Variants in CREB5 observed in about 807,000 individuals in gnomAD.
CREB5 encodes the protein cAMP responsive element binding protein 5, also known as cyclic AMP-responsive element-binding protein 5.
Under a neutral mutation model 57.1 loss-of-function variants are expected in CREB5, and 19 were observed. The observed-to-expected ratio is 0.33, with a 90% CI of 0.23 to 0.49. The LOEUF (loss-of-function observed/expected upper bound fraction) is 0.49. CREB5 is among the 20% of genes least tolerant of loss of function. The probability of loss-of-function intolerance (pLI) is 0.99; values close to 1 mark genes in which losing one functional copy is unlikely to be tolerated. For missense variants in CREB5, 579 were observed against 671.6 expected (o/e 0.86, Z 1.52); for synonymous variants, 238 against 238.3 (o/e 1.00, Z 0.01).
intron 5 of CREB5, among the ~76,000 whole-genome samples, chr7:28,694,988 G>C (rs969059058): frequency 6.6e-6 from 1 of 152,214 alleles, no homozygotes; most frequent in African/African-American, 2.4e-5. Context: ...AATTCGGGAG[G>C]CCAAGATGGG....
intron 1 of CREB5, among the ~76,000 whole-genome samples, chr7:28,393,777 G>A (rs1174802201): frequency 6.6e-6 from 1 of 152,096 alleles, no homozygotes; most frequent in East Asian, 1.9e-4. Context: ...ATGGTGTAGT[G>A]TTAAAGTGGA....
At chr7:28,570,578 A>T (rs746154339) in intron 5 of CREB5, 41 bp downstream of exon 5, 13 of 1,594,252 alleles carry the variant, frequency 8.2e-6, no homozygotes, top group Non-Finnish European at 1.1e-5. Context: ...CCTGGCTGGA[A>T]CTCAGGAAAT....
upstream of CREB5, among the ~76,000 whole-genome samples, chr7:28,409,148 C>A (rs1022903654): frequency 6.6e-6 from 1 of 151,644 alleles, no homozygotes; most frequent in African/African-American, 2.4e-5. This position sits in a 1 kb window ranked among gnomAD's most constrained non-coding sequence, Gnocchi z 4.4. Context: ...CAGTCGCCCC[C>A]GCCGCTGCCG....
chr7:28,790,323 C>A (rs1398436088), intron 7 of CREB5, among the ~76,000 whole-genome samples: 1 of 151,896 alleles, frequency 6.6e-6, no homozygotes, highest in African/African-American at 2.4e-5. Flanking sequence ...GCAAAGCATG[C>A]AATATGTGGT....
intron 1 of CREB5, among the ~76,000 whole-genome samples, chr7:28,455,668 T>A (rs1459819825): frequency 6.6e-6 from 1 of 151,506 alleles, no homozygotes; most frequent in Non-Finnish European, 1.5e-5. Flanking sequence ...GGGGCTTTGA[T>A]GCTTCATGGA....
intron 1 of CREB5, among the ~76,000 whole-genome samples, chr7:28,449,398 C>T (rs551375943): frequency 1.1e-4 from 17 of 152,326 alleles, no homozygotes; most frequent in African/African-American, 2.9e-4. Context: ...TTATTGCTTT[C>T]GCTATTGGCT....
rs1554283278 is a variant in CREB5, at chr7:28,672,180, A to ACACACACACAC, written c.465-46573_465-46572insCACACACACAC. The stretch of plus-strand genomic sequence containing the variant: ...AGGAGATCAGTTGTATTATGGAAAA[A>ACACACACACAC]AAAAAAAAACACACACACACACACA... On this transcript the variant is annotated intron_variant, in intron 5 of 10. Coordinates refer to ENST00000357727, the MANE Select transcript of CREB5 (RefSeq NM_182898.4). 3.6e-3 allele frequency among the ~76,000 whole-genome samples: 308 copies of ACACACACACAC among 84,436 alleles called. 1 individual carries two copies. The highest frequency in any genetic ancestry group is 0.019 in the South Asian group (53 of 2,776). The allele number at this position is 84,436 out of a possible 152,430, so 55.4% of individuals were successfully genotyped here. A position where few individuals can be genotyped will look rare whatever the true frequency, so the allele number is the denominator to read the frequency against.
At chr7:28,698,756 G>A (rs901686266) in intron 5 of CREB5, among the ~76,000 whole-genome samples, 4 of 152,180 alleles carry the variant, frequency 2.6e-5, no homozygotes, top group Non-Finnish European at 5.9e-5. Flanking sequence ...AATGGTCTTG[G>A]AAATGTGCAT....
At chr7:28,560,875 C>T (rs199527952) in intron 4 of CREB5, among the ~76,000 whole-genome samples, 2,359 of 19,072 alleles carry the variant, frequency 0.12, 297 homozygotes, top group African/African-American at 0.32. Context: ...CCTGCGTGCG[C>T]GTGCGTGCGT....
At chr7:28,475,858 C>T (rs1229448923) in intron 1 of CREB5, among the ~76,000 whole-genome samples, 4 of 152,158 alleles carry the variant, frequency 2.6e-5, no homozygotes, top group African/African-American at 9.7e-5. Flanking sequence ...AAAACAGACA[C>T]GTGCAGCTCC....
intron 1 of CREB5, among the ~76,000 whole-genome samples, chr7:28,393,800 C>T (rs983285726): frequency 1.1e-4 from 17 of 151,784 alleles, no homozygotes; most frequent in African/African-American, 2.7e-4. Context: ...TGGGACTGGG[C>T]GCGGTGGCTC....
In CREB5 at chr7:28,560,829, C is replaced by CGTGTGTGTGTGCGTGTGCGTGCGT. The variant is rs1562797035; in HGVS notation, c.292-9535_292-9534insTGTGTGTGTGCGTGTGCGTGCGTG. Among the ~76,000 whole-genome samples the CGTGTGTGTGTGCGTGTGCGTGCGT allele has an allele frequency of 6.1e-5, 4 of 65,180 alleles. 1 individual carries two copies. The highest frequency in any genetic ancestry group is 2.4e-4 in the African/African-American group (4 of 16,378). The allele number at this position is 65,180 out of a possible 152,430, so 42.8% of individuals were successfully genotyped here. On this transcript the variant is annotated intron_variant, in intron 4 of 10. Coordinates refer to ENST00000357727, the MANE Select transcript of CREB5 (RefSeq NM_182898.4). Reference sequence around the variant, plus strand: ...GTGCGCGTGTGTGTGTGTGCGCGCGCGCGCGTGTGTGTGTGCGCGTGTGTG... The same window carrying CGTGTGTGTGTGCGTGTGCGTGCGT: ...GTGCGCGTGTGTGTGTGTGCGCGCGCGTGTGTGTGTGCGTGTGCGTGCGTGCGCGTGTGTGTGTGCGCGTGTGTG...
intron 1 of CREB5, among the ~76,000 whole-genome samples, chr7:28,464,823 G>A (rs889807783): frequency 6.6e-6 from 1 of 151,990 alleles, no homozygotes; most frequent in Admixed American, 6.6e-5. Flanking sequence ...GATAATAGCT[G>A]TTATAAAGTG....
At position 28,416,828 on chromosome 7, in the gene CREB5, C is replaced by T. The variant is rs764580723; in HGVS notation, c.3+3911C>T. 1.9e-3 allele frequency among the ~76,000 whole-genome samples: 294 copies of T among 152,310 alleles called. 1 individual carries two copies. The highest frequency in any genetic ancestry group is 2.7e-3 in the Non-Finnish European group (186 of 68,032). ...TTTCCCTAGATTCATTCTTTAACAT[C>T]CATTTCAACTACTCTGCCTTGATGA... On this transcript the variant is annotated intron_variant, in intron 1 of 10. Coordinates refer to ENST00000357727, the MANE Select transcript of CREB5 (RefSeq NM_182898.4).
chr7:28,709,939 C>T (rs1802320604), intron 5 of CREB5, among the ~76,000 whole-genome samples: 1 of 152,198 alleles, frequency 6.6e-6, no homozygotes, highest in Non-Finnish European at 1.5e-5. Context: ...TTGCGCACAG[C>T]TTTGAGCATT....
At chr7:28,620,996 A>G (rs1287946189) in intron 5 of CREB5, among the ~76,000 whole-genome samples, 1 of 152,186 alleles carries the variant, frequency 6.6e-6, no homozygotes, top group African/African-American at 2.4e-5. Flanking sequence ...AAGTTATGTT[A>G]AATCTCTACT....
At chr7:28,321,407 A>G (rs1583670472) in intron 1 of CREB5, among the ~76,000 whole-genome samples, 1 of 152,326 alleles carries the variant, frequency 6.6e-6, no homozygotes. Context: ...TCAGGGGGAA[A>G]AAACATTTCT....
chr7:28,449,348 T>C (rs1789670212), intron 1 of CREB5, among the ~76,000 whole-genome samples: 1 of 152,248 alleles, frequency 6.6e-6, no homozygotes, highest in Admixed American at 6.5e-5. Context: ...AGTTGTCCTG[T>C]GCCTCCTCTA....
At chr7:28,476,188 T>C (rs758447489) in intron 1 of CREB5, among the ~76,000 whole-genome samples, 1 of 152,174 alleles carries the variant, frequency 6.6e-6, no homozygotes, top group Admixed American at 6.5e-5. Context: ...ATAATTCTAC[T>C]TGGCAGCCTT....
Sources: gnomAD v4.1 joint callset for allele counts (sites outside exome capture counted in the v4.1 genomes callset) on GRCh38, gnomAD v4.1.1 for gene constraint, Gnocchi (gnomAD v3.1) non-coding constraint, MANE v1.5 for transcripts, NCBI Gene and HGNC (gene_info 2026-07-23, HGNC 2026-07-21) for gene names.